MTCL1: variants seen among roughly 807,000 people sequenced by gnomAD.
The protein encoded by MTCL1 is microtubule crosslinking factor 1, also known as microtubule cross-linking factor 1.
Under a neutral mutation model 141.4 loss-of-function variants are expected in MTCL1, and 79 were observed. That is an observed-to-expected ratio of 0.56 (90% CI 0.47 to 0.67). The LOEUF is 0.67. Among genes scored for constraint, MTCL1 ranks in the 30% least tolerant of loss-of-function variants. The pLI is 0.00. For missense variants in MTCL1, 2,177 were observed against 2,113.9 expected (o/e 1.03, Z -0.59); for synonymous variants, 914 against 875.8 (o/e 1.04, Z -0.77).
At chr18:8,713,000 C>G (rs374324008), upstream of MTCL1, among the ~76,000 whole-genome samples, 3 of 152,158 alleles carry the variant, frequency 2.0e-5, no homozygotes, top group Admixed American at 2.0e-4. Context: ...ATCACTTATA[C>G]TAAGAAGCCA....
chr18:8,705,816 G>GCACGCCCGGCCCGC lies in MTCL1; in HGVS notation c.158_171dup (p.Ala58ThrfsTer134). On this transcript the variant is annotated frameshift_variant, in exon 1 of 14. Transcript: ENST00000306329. LOFTEE classifies it high-confidence loss of function. This position sits in a 1 kb window ranked among gnomAD's most constrained non-coding sequence, Gnocchi z 5.2. Reference sequence around the variant, plus strand: ...CCGCCAGACCCTTCCTCAAGGACCTGCACGCCCGGCCCGCCGCGCCCGGCC... The same window carrying GCACGCCCGGCCCGC: ...CCGCCAGACCCTTCCTCAAGGACCTGCACGCCCGGCCCGCCACGCCCGGCCCGCCGCGCCCGGCC... 7 of 1,185,830 alleles carry GCACGCCCGGCCCGC rather than the reference G, an allele frequency of 5.9e-6. No individual in the cohort carries two copies. Among genetic ancestry groups the GCACGCCCGGCCCGC allele is most frequent in the Non-Finnish European group, 7.3e-6 (7 of 957,782 alleles). The allele number at this position is 1,185,830 out of a possible 1,614,324, so 73.5% of individuals were successfully genotyped here.
At chr18:8,789,566 T>A in intron 7 of MTCL1, 19 of 985,406 alleles carry the variant, frequency 1.9e-5, no homozygotes, top group Non-Finnish European at 2.3e-5. Flanking sequence ...GGGGAAGACA[T>A]GGACGGGAGT....
chr18:8,786,241 A>G, intron 7 of MTCL1, 150 bp downstream of exon 6: 1 of 907,080 alleles, frequency 1.1e-6, no homozygotes, highest in Middle Eastern at 2.1e-4. Context: ...CAGCAAACCC[A>G]TTTTGTGGCA....
chr18:8,739,311 G>T (rs886894472), intron 4 of MTCL1, among the ~76,000 whole-genome samples: 1 of 152,112 alleles, frequency 6.6e-6, no homozygotes, highest in Non-Finnish European at 1.5e-5. Flanking sequence ...TACTAGTCAG[G>T]AGCAGGCAGG....
At chr18:8,774,662 A>G (rs1390451072) in intron 4 of MTCL1, among the ~76,000 whole-genome samples, 1 of 152,018 alleles carries the variant, frequency 6.6e-6, no homozygotes, top group African/African-American at 2.4e-5. Flanking sequence ...TAATTTTTGT[A>G]TTTTTAGTAG....
At chr18:8,763,519 C>A (rs1211583636) in intron 4 of MTCL1, among the ~76,000 whole-genome samples, 1 of 152,258 alleles carries the variant, frequency 6.6e-6, no homozygotes, top group South Asian at 2.1e-4. Flanking sequence ...CTCTTATCAG[C>A]GTCTCAATTT....
At position 8,718,658 on chromosome 18, in the gene MTCL1, G is replaced by T. The variant is rs1298463510; in HGVS notation, c.198+10G>T. 6.2e-7 allele frequency: 1 copy of T among 1,611,974 alleles called. No homozygotes were observed. Among genetic ancestry groups the T allele is most frequent in the African/African-American group, 1.3e-5 (1 of 74,978 alleles). ...GGAGCAGGACTTGAAGGTGAGTGAG[G>T]GGGTGGTGCGTGCACCTCGCAAGGC... On this transcript the variant is annotated intron_variant, in intron 3 of 16. Transcript: ENST00000359865.
intron 4 of MTCL1, among the ~76,000 whole-genome samples, chr18:8,720,978 AACAG>A (rs2096167591): frequency 6.6e-6 from 1 of 150,820 alleles, no homozygotes; most frequent in Non-Finnish European, 1.5e-5. Flanking sequence ...AAGCTGTGTA[AACAG>A]ACAATGTATG....
chr18:8,815,609 AAAGTAT>A (rs1157757502), intron 12 of MTCL1, among the ~76,000 whole-genome samples: 1 of 151,750 alleles, frequency 6.6e-6, no homozygotes, highest in Non-Finnish European at 1.5e-5. Flanking sequence ...CCTAAAACTT[AAAGTAT>A]AATAATAATT....
chr18:8,765,908 TC>T (rs2096457537), intron 4 of MTCL1, among the ~76,000 whole-genome samples: 1 of 152,108 alleles, frequency 6.6e-6, no homozygotes, highest in East Asian at 1.9e-4. Flanking sequence ...TTTCCTTCTG[TC>T]CACTCAGAAA....
Position 8,705,947 on chromosome 18 carries a change from G to A in MTCL1, c.287G>A (p.Arg96His). The change falls in exon 1 of 14, where the codon CGC (arginine) becomes CAC (histidine). Residue 96 changes from arginine (R) to histidine (H), a missense_variant. Transcript: ENST00000306329. This position sits in a 1 kb window ranked among gnomAD's most constrained non-coding sequence, Gnocchi z 5.2. Reference sequence around the variant, plus strand: ...CCGGGGTCCCTGGCCGCGCCCGGCCGCCTCTCTCGGCGCAGTGGCGGCGTC... The same window carrying A: ...CCGGGGTCCCTGGCCGCGCCCGGCCACCTCTCTCGGCGCAGTGGCGGCGTC... 9.1e-7 allele frequency: 1 copy of A among 1,099,006 alleles called. No homozygotes were observed. Among genetic ancestry groups the A allele is most frequent in the Non-Finnish European group, 1.1e-6 (1 of 905,430 alleles). The allele number at this position is 1,099,006 out of a possible 1,614,324, so 68.1% of individuals were successfully genotyped here.
intron 4 of MTCL1, among the ~76,000 whole-genome samples, chr18:8,751,264 T>G (rs2096369685): frequency 6.6e-6 from 1 of 152,246 alleles, no homozygotes; most frequent in African/African-American, 2.4e-5. Flanking sequence ...TTGTGTGTGT[T>G]CTGTCAAAAG....
intron 6 of MTCL1, 64 bp from the exon 6 acceptor site, chr18:8,785,865 TTTGTTTG>T: frequency 6.6e-7 from 1 of 1,512,880 alleles, no homozygotes; most frequent in Non-Finnish European, 8.8e-7. Context: ...ACCCTTGTCC[TTTGTTTG>T]TTTGTTTTTT....
chr18:8,798,101 A>G, exon 10 of MTCL1: 1 of 1,581,038 alleles, frequency 6.3e-7, no homozygotes, highest in South Asian at 1.2e-5. Flanking sequence ...TTTCAGGGTG[A>G]ACATCCAGAG....
At chr18:8,812,277 T>TTTTTTTTG (rs1046582939) in intron 11 of MTCL1, among the ~76,000 whole-genome samples, 2 of 152,182 alleles carry the variant, frequency 1.3e-5, no homozygotes, top group Admixed American at 6.5e-5. Context: ...TTGGCAATGG[T>TTTTTTTTG]TTTTTTTGTT....
intron 4 of MTCL1, among the ~76,000 whole-genome samples, chr18:8,746,633 C>G (rs964928123): frequency 1.6e-4 from 24 of 152,272 alleles, no homozygotes; most frequent in African/African-American, 5.1e-4. Context: ...GAAGCCTTCT[C>G]TCGAGCTGCA....
intron 10 of MTCL1, among the ~76,000 whole-genome samples, chr18:8,798,517 A>G (rs1029180587): frequency 6.6e-6 from 1 of 152,202 alleles, no homozygotes; most frequent in Non-Finnish European, 1.5e-5. Flanking sequence ...TTGAGTTGCC[A>G]TATAAATAAG....
intron 4 of MTCL1, among the ~76,000 whole-genome samples, chr18:8,748,328 G>T (rs1448204290): frequency 6.6e-6 from 1 of 152,096 alleles, no homozygotes. Flanking sequence ...GATCGCTTGA[G>T]CCCCCAGGAA....
At chr18:8,733,997 T>A (rs1281588045) in intron 4 of MTCL1, among the ~76,000 whole-genome samples, 1 of 152,150 alleles carries the variant, frequency 6.6e-6, no homozygotes, top group Non-Finnish European at 1.5e-5. Flanking sequence ...ACTCACAGGG[T>A]CACCTAAGTA....
Sources: allele counts gnomAD v4.1 joint callset (sites outside exome capture counted in the v4.1 genomes callset), GRCh38; gene constraint gnomAD v4.1.1; non-coding constraint Gnocchi (gnomAD v3.1); transcripts MANE v1.5; gene names NCBI Gene and HGNC (gene_info 2026-07-23, HGNC 2026-07-21).